Variants in WWOX observed in about 807,000 individuals in gnomAD.
The protein encoded by WWOX is WW domain-containing oxidoreductase.
A neutral mutation model predicts 46.2 loss-of-function variants in WWOX; 69 were observed. The ratio of observed to expected loss-of-function variants is 1.49; its 90% CI spans 1.23 to 1.82. The LOEUF (loss-of-function observed/expected upper bound fraction) is 1.82, where lower values mean the gene tolerates loss of function less well. WWOX is among the 40% of genes most tolerant of loss of function. WWOX has a pLI of 0.00. For missense variants in WWOX, 919 were observed against 542.6 expected, an observed-to-expected ratio of 1.69 and a Z score of -6.89; for synonymous variants, 359 against 202.6, an observed-to-expected ratio of 1.77 and a Z score of -6.56.
At chr16:78,527,609 A>C (rs1055604810) in intron 8 of WWOX, among the ~76,000 whole-genome samples, 1 of 152,154 alleles carries the variant, frequency 6.6e-6, no homozygotes, top group African/African-American at 2.4e-5. Flanking sequence ...TGTATCTCTT[A>C]ATGAGTTTAA....
chr16:78,996,313 T>C (rs2046986471), intron 8 of WWOX: 2 of 985,090 alleles, frequency 2.0e-6, no homozygotes, highest in Non-Finnish European at 2.4e-6. Flanking sequence ...TTGTGGATGT[T>C]TTTCTACCGT....
chr16:78,562,961 C>G (rs58266152), intron 8 of WWOX, among the ~76,000 whole-genome samples: 2 of 151,866 alleles, frequency 1.3e-5, no homozygotes, highest in Non-Finnish European at 2.9e-5. Flanking sequence ...CTGTGCAGAT[C>G]CCTCTGAAAA....
chr16:78,297,874 T>C (rs1484287257), intron 5 of WWOX, among the ~76,000 whole-genome samples: 1 of 152,136 alleles, frequency 6.6e-6, no homozygotes, highest in Non-Finnish European at 1.5e-5. Context: ...GGAGTTGATA[T>C]GGTCTGACTG....
chr16:78,539,076 G>A (rs972152927), intron 8 of WWOX, among the ~76,000 whole-genome samples: 3 of 152,310 alleles, frequency 2.0e-5, no homozygotes, highest in South Asian at 2.1e-4. Flanking sequence ...TTTGTGTTGC[G>A]TAATATTTCA....
intron 8 of WWOX, among the ~76,000 whole-genome samples, chr16:78,787,639 A>C (rs901382445): frequency 6.6e-6 from 1 of 152,062 alleles, no homozygotes; most frequent in Non-Finnish European, 1.5e-5. Context: ...TACTGTTTTT[A>C]TGTTTTCTGC....
At chr16:78,440,625 C>T (rs5025550) in intron 8 of WWOX, among the ~76,000 whole-genome samples, 2,568 of 125,676 alleles carry the variant, frequency 0.02, 67 homozygotes, top group African/African-American at 0.079. Flanking sequence ...TTTTTTTTTT[C>T]TTTTTTTTTG....
At chr16:78,866,973 A>C (rs2044017654) in intron 8 of WWOX, among the ~76,000 whole-genome samples, 1 of 152,210 alleles carries the variant, frequency 6.6e-6, no homozygotes, top group Non-Finnish European at 1.5e-5. Context: ...TGATAGCCAA[A>C]GGGTTTCAAA....
intron 8 of WWOX, among the ~76,000 whole-genome samples, chr16:79,013,036 G>A (rs535115456): frequency 7.2e-5 from 11 of 152,300 alleles, no homozygotes; most frequent in African/African-American, 2.6e-4. Flanking sequence ...GCCACTGCAT[G>A]TCAGCCTGAG....
At chr16:79,118,795 C>A (rs1274725745) in intron 8 of WWOX, among the ~76,000 whole-genome samples, 2 of 152,206 alleles carry the variant, frequency 1.3e-5, no homozygotes, top group African/African-American at 4.8e-5. Flanking sequence ...CCATTTGGCA[C>A]ATTGCTTATT....
chr16:78,934,655 G>C (rs1233987482), intron 8 of WWOX, among the ~76,000 whole-genome samples: 2 of 152,014 alleles, frequency 1.3e-5, no homozygotes, highest in Non-Finnish European at 2.9e-5. Context: ...TGGGGTCTTT[G>C]TGGAGGATCT....
At chr16:78,117,395 C>G (rs566230575) in intron 4 of WWOX, among the ~76,000 whole-genome samples, 4 of 152,084 alleles carry the variant, frequency 2.6e-5, no homozygotes, top group South Asian at 2.1e-4. Flanking sequence ...CCCCTCCACT[C>G]TTGGGAAGCA....
intron 8 of WWOX, among the ~76,000 whole-genome samples, chr16:79,054,787 C>T (rs1163914331): frequency 6.6e-6 from 1 of 152,128 alleles, no homozygotes; most frequent in Non-Finnish European, 1.5e-5. Flanking sequence ...GATCACACCA[C>T]CGCACTCCAG....
intron 8 of WWOX, among the ~76,000 whole-genome samples, chr16:78,735,742 C>G (rs1185723543): frequency 6.6e-6 from 1 of 151,926 alleles, no homozygotes; most frequent in South Asian, 2.1e-4. Flanking sequence ...TACCAATGGA[C>G]TCTAACTTTA....
intron 8 of WWOX, among the ~76,000 whole-genome samples, chr16:78,702,131 T>TA (rs2048238118): frequency 7.1e-6 from 1 of 141,514 alleles, no homozygotes; most frequent in South Asian, 2.2e-4. Flanking sequence ...TATTTATTTA[T>TA]TTTCAAGACA....
chr16:78,821,991 C>G (rs1054651301), intron 8 of WWOX, among the ~76,000 whole-genome samples: 2 of 152,122 alleles, frequency 1.3e-5, no homozygotes, highest in African/African-American at 4.8e-5. Context: ...ATCCTTCTGC[C>G]TCAGTCTCCT....
intron 8 of WWOX, among the ~76,000 whole-genome samples, chr16:78,466,326 C>T (rs193011214): frequency 1.2e-3 from 182 of 152,230 alleles, no homozygotes; most frequent in African/African-American, 4.2e-3. Flanking sequence ...CCATTGCACC[C>T]GGCTATTGGG....
At chr16:78,549,863 GAATCTTTAAAGGATTTTTTA>G (rs1157747304) in intron 8 of WWOX, among the ~76,000 whole-genome samples, 1 of 152,030 alleles carries the variant, frequency 6.6e-6, no homozygotes, top group Non-Finnish European at 1.5e-5. Flanking sequence ...CAGAATTGGG[GAATCTTTAAAGGATTTTTTA>G]TTTAGCCAGA....
intron 8 of WWOX, among the ~76,000 whole-genome samples, chr16:78,713,176 G>A (rs2048480261): frequency 6.6e-6 from 1 of 150,566 alleles, no homozygotes; most frequent in Non-Finnish European, 1.5e-5. Context: ...GGAGGTTGAG[G>A]CAGGAGGATT....
chr16:78,643,701 G>C (rs2046775962), intron 8 of WWOX, among the ~76,000 whole-genome samples: 1 of 151,952 alleles, frequency 6.6e-6, no homozygotes, highest in Admixed American at 6.6e-5. Context: ...ATGATATACG[G>C]GTTCCTTACC....
Sources: allele counts gnomAD v4.1 joint callset (sites outside exome capture counted in the v4.1 genomes callset), GRCh38; gene constraint gnomAD v4.1.1; transcripts MANE v1.5; gene names NCBI Gene and HGNC (gene_info 2026-07-23, HGNC 2026-07-21).